The following GPHN variants were observed in gnomAD, a reference collection of about 807,000 sequenced individuals.
GPHN encodes gephyrin.
Under a neutral mutation model 95.5 loss-of-function variants are expected in GPHN, and 17 were observed. The observed-to-expected ratio is 0.18, with a 90% confidence interval of 0.12 to 0.27. The LOEUF is 0.27. GPHN is among the 10% of genes least tolerant of loss of function. GPHN has a pLI of 1.00. For synonymous variants in GPHN, 320 were observed against 322.5 expected (o/e 0.99, Z 0.08); for missense variants, 660 against 978.1 (o/e 0.67, Z 4.34).
At chr14:67,503,743 A>G in the GPHN span, among the ~76,000 whole-genome samples, 1 of 152,028 alleles carries the variant, frequency 6.6e-6, no homozygotes. Context: ...TAGCTCTGTC[A>G]CCCAGGCTGG....
intron 12 of GPHN, among the ~76,000 whole-genome samples, chr14:67,094,735 C>G (rs1245072057): frequency 6.6e-6 from 1 of 152,172 alleles, no homozygotes; most frequent in Non-Finnish European, 1.5e-5. Flanking sequence ...CAAAAACAGA[C>G]TCTTACATGA....
At chr14:67,467,641 C>CATTTTA in the GPHN span, 1 of 152,182 alleles carries the variant, frequency 6.6e-6, no homozygotes, top group Non-Finnish European at 1.5e-5. Context: ...CATTCCCAAA[C>CATTTTA]ATTTTAATTT....
chr14:67,684,024 T>A, the GPHN span, among the ~76,000 whole-genome samples: 1 of 152,208 alleles, frequency 6.6e-6, no homozygotes, highest in Non-Finnish European at 1.5e-5. Flanking sequence ...TGATAAAAAT[T>A]CTGCTGCTTC....
chr14:67,023,919 C>T (rs1249882588), intron 10 of GPHN, among the ~76,000 whole-genome samples: 2 of 152,124 alleles, frequency 1.3e-5, no homozygotes. Flanking sequence ...TAGGAATGAG[C>T]TCCTCTGTGA....
At position 67,168,915 on chromosome 14, in the gene GPHN, T is replaced by C. The variant is rs1450134659; in HGVS notation, c.1976-18T>C. 1 of 1,498,804 alleles carries C rather than the reference T, an allele frequency of 6.7e-7. No homozygotes were observed. Among genetic ancestry groups the C allele is most frequent in the South Asian group, 1.1e-5 (1 of 88,798 alleles). 92.8% of individuals were successfully genotyped at this position (1,498,804 alleles called of 1,614,324 possible). A position where few individuals can be genotyped will look rare whatever the true frequency, so the allele number is the denominator to read the frequency against. On this transcript the variant is annotated intron_variant, in intron 20 of 22. Transcript: ENST00000478722. ...TGTTACACAGTGTATTATAAATAAC[T>C]GCTTGGTTGACTTTCAGGGAATCCT...
chr14:66,996,701 C>A (rs1399783142), intron 9 of GPHN, among the ~76,000 whole-genome samples: 1 of 151,984 alleles, frequency 6.6e-6, no homozygotes, highest in African/African-American at 2.4e-5. Flanking sequence ...AAATATACAT[C>A]TATTTTATAT....
chr14:67,278,038 C>CTT, the GPHN span, among the ~76,000 whole-genome samples: 6 of 138,782 alleles, frequency 4.3e-5, no homozygotes, highest in Non-Finnish European at 6.3e-5. Flanking sequence ...AACCCCAATT[C>CTT]TTTTTTTTTT....
chr14:66,535,906 A>G (rs1184995643), intron 1 of GPHN, among the ~76,000 whole-genome samples: 2 of 152,082 alleles, frequency 1.3e-5, no homozygotes, highest in Non-Finnish European at 2.9e-5. Flanking sequence ...TAACTATTTT[A>G]CTTATTTCTT....
At chr14:66,760,662 A>G in intron 2 of GPHN, 1 of 427,272 alleles carries the variant, frequency 2.3e-6, no homozygotes, top group Non-Finnish European at 4.4e-6. Flanking sequence ...AAAAAGAAGC[A>G]TAATCCTCGC....
At chr14:67,438,860 CAAAAAAAAAA>C in the GPHN span, among the ~76,000 whole-genome samples, 7 of 56,048 alleles carry the variant, frequency 1.2e-4, no homozygotes, top group African/African-American at 3.4e-4. Flanking sequence ...GACTCCGTCT[CAAAAAAAAAA>C]AAAAAAAAAA....
At chr14:66,913,736 A>G (rs1231421848) in intron 5 of GPHN, among the ~76,000 whole-genome samples, 1 of 152,156 alleles carries the variant, frequency 6.6e-6, no homozygotes, top group Non-Finnish European at 1.5e-5. Flanking sequence ...ACATTTTACA[A>G]TTATAAACTT....
the GPHN span, chr14:67,575,363 C>T: frequency 3.5e-6 from 5 of 1,410,250 alleles, no homozygotes; most frequent in East Asian, 9.3e-5. Flanking sequence ...ACCTAGTTCT[C>T]ATAATGCCAG....
In GPHN at chr14:67,175,225, T is replaced by C. The variant is rs547258501; in HGVS notation, c.2080-4353T>C. ...TCTGGTTTTAGGTCTAACATGTAAG[T>C]CTTTAATCCATCTTGAATTAATTTT... On this transcript the variant is annotated intron_variant, in intron 21 of 22. Coordinates refer to ENST00000478722, the MANE Select transcript of GPHN (RefSeq NM_020806.5). Among the ~76,000 whole-genome samples the C allele has an allele frequency of 1.2e-4, 18 of 152,344 alleles. No homozygotes were observed. The South Asian group carries it at 1.2e-3, about 11-fold the overall frequency.
chr14:67,210,973 CT>C, the GPHN span, among the ~76,000 whole-genome samples: 2 of 152,026 alleles, frequency 1.3e-5, no homozygotes, highest in Admixed American at 1.3e-4. Context: ...GCACTCCAGC[CT>C]GGGTGATGGA....
At chr14:67,647,917 C>A in the GPHN span, 1 of 892,730 alleles carries the variant, frequency 1.1e-6, no homozygotes, top group Non-Finnish European at 1.7e-6. Flanking sequence ...AATGTATTAA[C>A]AGCTTTATTA....
At chr14:66,516,818 G>A (rs1399850470) in intron 1 of GPHN, among the ~76,000 whole-genome samples, 1 of 152,100 alleles carries the variant, frequency 6.6e-6, no homozygotes, top group Non-Finnish European at 1.5e-5. Flanking sequence ...TAATGGTTAA[G>A]AACTGTTGGA....
chr14:67,372,033 G>C, the GPHN span, among the ~76,000 whole-genome samples: 1 of 152,154 alleles, frequency 6.6e-6, no homozygotes, highest in African/African-American at 2.4e-5. Context: ...GGGAGGCCTA[G>C]GTGGGGGGAT....
the GPHN span, chr14:67,619,982 C>A: frequency 1.9e-5 from 30 of 1,599,690 alleles, no homozygotes; most frequent in African/African-American, 3.0e-4. Flanking sequence ...CGGATCATGT[C>A]CCTAAGGGGC....
At chr14:66,941,779 A>G (rs1428742416) in intron 8 of GPHN, among the ~76,000 whole-genome samples, 1 of 152,192 alleles carries the variant, frequency 6.6e-6, no homozygotes, top group African/African-American at 2.4e-5. Context: ...GCCAGAAGTT[A>G]AGAATACTCA....
Sources: allele counts gnomAD v4.1 joint callset (sites outside exome capture counted in the v4.1 genomes callset), GRCh38; gene constraint gnomAD v4.1.1; transcripts MANE v1.5; gene names NCBI Gene and HGNC (gene_info 2026-07-23, HGNC 2026-07-21).